Variants in KAZN observed in about 807,000 individuals in gnomAD.
The protein encoded by KAZN is kazrin.
KAZN carries 40 observed loss-of-function variants against 87.4 expected under a neutral mutation model. The observed-to-expected ratio is 0.46, with a 90% CI of 0.36 to 0.60. The LOEUF is 0.60. Ranked by LOEUF, KAZN falls within the 20% of genes least tolerant of loss-of-function variation. KAZN has a pLI of 0.00. For missense variants in KAZN, 898 were observed against 1,073.9 expected, an observed-to-expected ratio of 0.84 and a Z score of 2.29; for synonymous variants, 466 against 458.3, an observed-to-expected ratio of 1.02 and a Z score of -0.22.
intron 1 of KAZN, among the ~76,000 whole-genome samples, chr1:14,080,693 C>G (rs553201411): frequency 6.6e-6 from 1 of 152,354 alleles, no homozygotes; most frequent in Non-Finnish European, 1.5e-5. Flanking sequence ...TTCTGCATGA[C>G]TCTTTTCTGT....
At chr1:14,931,739 C>G (rs1026977571) in intron 1 of KAZN, among the ~76,000 whole-genome samples, 2 of 152,030 alleles carry the variant, frequency 1.3e-5, no homozygotes, top group Non-Finnish European at 2.9e-5. Context: ...AGTAAGAAAC[C>G]CAGGAGGGCA....
intron 8 of KAZN, chr1:15,067,479 A>G: frequency 1.0e-6 from 1 of 985,376 alleles, no homozygotes; most frequent in Non-Finnish European, 1.2e-6. Flanking sequence ...AAGGCCTAAA[A>G]CTCAATTTCC....
At chr1:14,023,700 C>A (rs1425684005) in intron 1 of KAZN, among the ~76,000 whole-genome samples, 2 of 152,060 alleles carry the variant, frequency 1.3e-5, no homozygotes, top group South Asian at 2.1e-4. Flanking sequence ...AAAAACGGGG[C>A]CATCTTAATA....
chr1:14,384,620 A>T (rs1661696458), intron 2 of KAZN, among the ~76,000 whole-genome samples: 1 of 152,136 alleles, frequency 6.6e-6, no homozygotes, highest in South Asian at 2.1e-4. Flanking sequence ...GATTACATTT[A>T]TTGATTTAGG....
intron 1 of KAZN, among the ~76,000 whole-genome samples, chr1:14,708,979 C>T (rs577255732): frequency 4.2e-4 from 64 of 152,268 alleles, no homozygotes; most frequent in African/African-American, 1.4e-3. Context: ...GAGTCCCTGG[C>T]TTGGCTCCTA....
intron 2 of KAZN, among the ~76,000 whole-genome samples, chr1:14,387,676 G>C (rs1255916291): frequency 6.6e-6 from 1 of 152,064 alleles, no homozygotes; most frequent in Non-Finnish European, 1.5e-5. Flanking sequence ...CCCGTTCTCA[G>C]ATCTCCAGCT....
chr1:13,969,401 A>G (rs1424098625), intron 1 of KAZN, among the ~76,000 whole-genome samples: 1 of 152,198 alleles, frequency 6.6e-6, no homozygotes, highest in African/African-American at 2.4e-5. Flanking sequence ...ACAGGGAGAA[A>G]ACCAAATGAA....
Position 14,050,846 on chromosome 1 carries a change from G to T in KAZN, c.92-129589G>T, listed in dbSNP as rs548808404. Among the ~76,000 whole-genome samples the T allele has an allele frequency of 2.6e-5, 4 of 152,230 alleles. No homozygotes were observed. The South Asian group carries it at 8.3e-4, about 32-fold the overall frequency. Reference sequence around the variant, plus strand: ...AACCTCATGAGCCAGGCCCACTGCCGCATCCTCAGAACAAAGCAGGTGGCT... The same window carrying T: ...AACCTCATGAGCCAGGCCCACTGCCTCATCCTCAGAACAAAGCAGGTGGCT... On this transcript the variant is annotated intron_variant, in intron 1 of 16. Transcript: ENST00000636203.
intron 3 of KAZN, among the ~76,000 whole-genome samples, chr1:15,043,660 T>C (rs1258754566): frequency 4.6e-5 from 5 of 108,194 alleles, no homozygotes; most frequent in Non-Finnish European, 5.5e-5. Flanking sequence ...TTTTTTTTTT[T>C]TGAGACAGAG....
chr1:14,356,338 T>C (rs1252165201), intron 2 of KAZN, among the ~76,000 whole-genome samples: 1 of 152,322 alleles, frequency 6.6e-6, no homozygotes, highest in East Asian at 1.9e-4. Context: ...CTTTGTCAGA[T>C]TGATAGGTTG....
intron 1 of KAZN, among the ~76,000 whole-genome samples, chr1:14,640,408 A>G (rs1680329732): frequency 6.6e-6 from 1 of 152,184 alleles, no homozygotes; most frequent in Non-Finnish European, 1.5e-5. Context: ...ATGATTGCAC[A>G]GGGTCCAGGG....
At chr1:14,643,731 G>A (rs1227892803) in intron 1 of KAZN, among the ~76,000 whole-genome samples, 2 of 152,110 alleles carry the variant, frequency 1.3e-5, no homozygotes, top group Non-Finnish European at 2.9e-5. Context: ...AGCTCTCTGA[G>A]GAATTGACAT....
chr1:14,416,926 C>T (rs935144652), intron 2 of KAZN, among the ~76,000 whole-genome samples: 1 of 150,778 alleles, frequency 6.6e-6, no homozygotes, highest in Non-Finnish European at 1.5e-5. Context: ...CCTATTCTGC[C>T]TATATATGTG....
At chr1:14,830,719 A>C (rs1461213697) in intron 1 of KAZN, among the ~76,000 whole-genome samples, 1 of 152,172 alleles carries the variant, frequency 6.6e-6, no homozygotes, top group South Asian at 2.1e-4. Context: ...TGAGAACTCT[A>C]TCTCAAGACA....
intron 1 of KAZN, among the ~76,000 whole-genome samples, chr1:14,118,677 C>T (rs1644683134): frequency 6.6e-6 from 1 of 152,176 alleles, no homozygotes; most frequent in Non-Finnish European, 1.5e-5. Context: ...CAGAATTCAT[C>T]TGGTTGAATC....
At chr1:14,286,082 A>G (rs1435390027) in intron 2 of KAZN, among the ~76,000 whole-genome samples, 4 of 152,220 alleles carry the variant, frequency 2.6e-5, no homozygotes, top group African/African-American at 9.7e-5. Context: ...AGTTTGCTGG[A>G]ATTGCCATTA....
chr1:14,898,421 C>T (rs76393719), intron 1 of KAZN, among the ~76,000 whole-genome samples: 4,071 of 152,256 alleles, frequency 0.027, 79 homozygotes, highest in Middle Eastern at 0.051. Flanking sequence ...GAGATACAGT[C>T]CTGGCTCCAG....
chr1:14,324,866 A>G (rs1408033015), intron 2 of KAZN, among the ~76,000 whole-genome samples: 2 of 152,246 alleles, frequency 1.3e-5, no homozygotes, highest in African/African-American at 2.4e-5. Flanking sequence ...TATCAAAACT[A>G]GGTAACCTTA....
At chr1:14,190,097 A>C (rs1399044840) in intron 2 of KAZN, among the ~76,000 whole-genome samples, 1 of 152,138 alleles carries the variant, frequency 6.6e-6, no homozygotes, top group Non-Finnish European at 1.5e-5. Flanking sequence ...AACTGGGAGA[A>C]GTGTAGGCTT....
Sources: gnomAD v4.1 joint callset for allele counts (sites outside exome capture counted in the v4.1 genomes callset) on GRCh38, gnomAD v4.1.1 for gene constraint, MANE v1.5 for transcripts, NCBI Gene and HGNC (gene_info 2026-07-23, HGNC 2026-07-21) for gene names.